The following WNK1 variants were observed in gnomAD, a reference collection of about 807,000 sequenced individuals.
WNK1 encodes the protein serine/threonine-protein kinase WNK1.
In WNK1, 38 loss-of-function variants were observed where a neutral mutation model predicts 222.8. That is an observed-to-expected ratio of 0.17 (90% CI 0.13 to 0.22). The LOEUF (loss-of-function observed/expected upper bound fraction) is 0.22. Among genes scored for constraint, WNK1 ranks in the 10% least tolerant of loss-of-function variants. WNK1 has a pLI of 1.00. For missense variants in WNK1, 2,348 were observed against 2,918.4 expected (o/e 0.80, Z 4.50); for synonymous variants, 1,090 against 1,092.9 (o/e 1.00, Z 0.05).
chr12:821,589 CT>C (rs1565477947), intron 2 of WNK1, among the ~76,000 whole-genome samples: 3 of 152,252 alleles, frequency 2.0e-5, no homozygotes, highest in Non-Finnish European at 4.4e-5. Context: ...CTTCTGTTTT[CT>C]TACTCATCTT....
chr12:807,198 C>T (rs1946441501), intron 1 of WNK1, among the ~76,000 whole-genome samples: 1 of 151,778 alleles, frequency 6.6e-6, no homozygotes, highest in South Asian at 2.1e-4. Context: ...GTGGTTAATG[C>T]CTGTAATCCC....
At chr12:824,168 A>T (rs943651829) in intron 2 of WNK1, among the ~76,000 whole-genome samples, 2 of 151,096 alleles carry the variant, frequency 1.3e-5, no homozygotes, top group Non-Finnish European at 2.9e-5. Flanking sequence ...CAGCCTCCCA[A>T]AGTGCTGGGA....
chr12:904,377 G>A, intron 26 of WNK1: 2 of 1,184,508 alleles, frequency 1.7e-6, no homozygotes, highest in South Asian at 1.3e-5. Flanking sequence ...GCGTTTGTGT[G>A]CTGTTTGGAG....
intron 4 of WNK1, among the ~76,000 whole-genome samples, chr12:852,584 C>G (rs1176882746): frequency 1.3e-5 from 2 of 152,076 alleles, no homozygotes; most frequent in East Asian, 1.9e-4. Context: ...TAGTTTTGTT[C>G]TGTGTAAGAT....
At chr12:813,386 A>G (rs1002838012) in intron 1 of WNK1, among the ~76,000 whole-genome samples, 4 of 150,792 alleles carry the variant, frequency 2.7e-5, no homozygotes, top group African/African-American at 9.7e-5. Context: ...GCAATTGATG[A>G]CTTATGTTGG....
At chr12:894,464 T>C (rs770855372) in intron 22 of WNK1, 98 bp from the exon 23 acceptor site, 15 of 1,016,276 alleles carry the variant, frequency 1.5e-5, no homozygotes, top group Middle Eastern at 2.1e-4. Context: ...ACAGCTTTCC[T>C]CATGTGTAGT....
chr12:753,483 G>C lies in WNK1; in HGVS notation c.-83G>C. The C allele has an allele frequency of 6.3e-7, 1 of 1,587,986 alleles. No individual in the cohort carries two copies. The highest frequency in any genetic ancestry group is 8.6e-7 in the Non-Finnish European group (1 of 1,167,636). ...ACCCGCCCGGCCGCGGTTCCCTGCA[G>C]ACCTCTGCGCGGGCGGCTCGGCCCT... On this transcript the variant is annotated 5_prime_UTR_variant, in exon 1 of 28. Transcript: ENST00000315939. This position sits in a 1 kb window ranked among gnomAD's most constrained non-coding sequence, Gnocchi z 5.2.
At chr12:853,693 C>T (rs905379454) in intron 4 of WNK1, among the ~76,000 whole-genome samples, 2 of 152,212 alleles carry the variant, frequency 1.3e-5, no homozygotes, top group Admixed American at 6.5e-5. Flanking sequence ...TAAATTAATA[C>T]ATAGTTTTAT....
chr12:767,301 G>A (rs1464558010), intron 1 of WNK1, among the ~76,000 whole-genome samples: 1 of 133,792 alleles, frequency 7.5e-6, no homozygotes, highest in Non-Finnish European at 1.5e-5. Context: ...CGCTCACGCT[G>A]GAGCGCAGTG....
chr12:830,854 A>G (rs1326358778), intron 4 of WNK1, among the ~76,000 whole-genome samples: 2 of 152,186 alleles, frequency 1.3e-5, no homozygotes, highest in African/African-American at 4.8e-5. Context: ...TATTCTCTCC[A>G]TTGTTTCAAA....
chr12:755,508 A>G lies in WNK1; in HGVS notation c.759+1184A>G, dbSNP rs370565318. On this transcript the variant is annotated intron_variant, in intron 1 of 27. Coordinates refer to ENST00000315939, the MANE Select transcript of WNK1 (RefSeq NM_018979.4). Reference sequence around the variant, plus strand: ...AAACTTAAAAACTAAGAAGTTCTTTACAAACATAATCATTTCTTAACTTTT... The same window carrying G: ...AAACTTAAAAACTAAGAAGTTCTTTGCAAACATAATCATTTCTTAACTTTT... Among the ~76,000 whole-genome samples, 10 of 152,350 alleles carry G rather than the reference A, an allele frequency of 6.6e-5. No individual in the cohort carries two copies. The East Asian group carries it at 1.3e-3, about 21-fold the overall frequency.
Position 827,220 on chromosome 12 carries a change from C to A in WNK1, c.1111C>A (p.Leu371Met). Residue 371 changes from leucine to methionine, a missense_variant, in exon 3 of 28, where the codon CTG becomes ATG. Physicochemically the swap from Leu to Met is conservative, Grantham distance 15. Coordinates refer to ENST00000315939, the MANE Select transcript of WNK1 (RefSeq NM_018979.4). This position sits in a 1 kb window ranked among gnomAD's most constrained non-coding sequence, Gnocchi z 4.6. ...TGSVKIGDLG[L>M]ATLKRASFAK... ...CTCAGTCAAGATTGGAGACCTCGGT[C>A]TGGCAACCCTGAAGCGGGCTTCTTT... The A allele has an allele frequency of 6.2e-7, 1 of 1,614,198 alleles. No homozygotes were observed. Among genetic ancestry groups the A allele is most frequent in the South Asian group, 1.1e-5 (1 of 91,076 alleles).
intron 4 of WNK1, among the ~76,000 whole-genome samples, chr12:854,862 T>C (rs1406074859): frequency 6.6e-6 from 1 of 152,212 alleles, no homozygotes; most frequent in Admixed American, 6.5e-5. Context: ...TTATTTACAA[T>C]AGCTAATACA....
chr12:763,318 T>C lies in WNK1; in HGVS notation c.759+8994T>C, dbSNP rs147051699. On this transcript the variant is annotated intron_variant, in intron 1 of 27. Transcript: ENST00000315939. Reference sequence around the variant, plus strand: ...TGAATTGTTGGCTAGGCGTGGTGGCTCACGCTTGTAATCCCAACACTTTGG... The same window carrying C: ...TGAATTGTTGGCTAGGCGTGGTGGCCCACGCTTGTAATCCCAACACTTTGG... 4.5e-3 allele frequency among the ~76,000 whole-genome samples: 666 copies of C among 147,398 alleles called. 74 individuals carry two copies. The highest frequency in any genetic ancestry group is 8.3e-3 in the Non-Finnish European group (549 of 65,938).
chr12:852,937 T>A (rs943637744), intron 4 of WNK1, among the ~76,000 whole-genome samples: 3 of 152,202 alleles, frequency 2.0e-5, no homozygotes, highest in African/African-American at 7.2e-5. Context: ...TATGCTTGCT[T>A]CTTAAATGAT....
intron 1 of WNK1, among the ~76,000 whole-genome samples, chr12:761,405 T>C (rs1941000776): frequency 6.7e-6 from 1 of 148,152 alleles, no homozygotes; most frequent in Non-Finnish European, 1.5e-5. Context: ...TTCTTAAGAA[T>C]TTTAACAGTT....
intron 12 of WNK1, 136 bp downstream of exon 12, chr12:881,135 T>C: frequency 8.7e-7 from 1 of 1,156,066 alleles, no homozygotes; most frequent in African/African-American, 1.5e-5. Flanking sequence ...TGCATGACTT[T>C]TTCTTACAGC....
At position 885,161 on chromosome 12, in the gene WNK1, G is replaced by C. The variant is rs774635947; in HGVS notation, c.4357G>C (p.Val1453Leu). The change falls in exon 19 of 28, where the codon GTT becomes CTT. Residue 1453 changes from valine to leucine, a missense_variant. Around this residue, in one of 13 missense-constraint regions of WNK1, gnomAD observed 1,144 missense variants for 1,273.6 expected, o/e 0.90. Transcript: ENST00000315939. ...TACAGCACTGTATCCTTCAGTAACA[G>C]TTTCAGCAACTTCAGCCTCTGCAGG... is the stretch of plus-strand genomic sequence containing the variant. ...SSTALYPSVT[V>L]SATSASAGGS... The C allele has an allele frequency of 6.2e-7, 1 of 1,614,114 alleles. No individual in the cohort carries two copies. Among genetic ancestry groups the C allele is most frequent in the East Asian group, 2.2e-5 (1 of 44,890 alleles).
At chr12:904,840 G>A (rs1955565279) in intron 26 of WNK1, among the ~76,000 whole-genome samples, 1 of 152,186 alleles carries the variant, frequency 6.6e-6, no homozygotes, top group South Asian at 2.1e-4. Flanking sequence ...AGTGACGAAA[G>A]CATACAAAAG....
Sources: allele counts gnomAD v4.1 joint callset (sites outside exome capture counted in the v4.1 genomes callset), GRCh38; gene constraint gnomAD v4.1.1; regional missense constraint gnomAD v4.1.1; non-coding constraint Gnocchi (gnomAD v3.1); transcripts MANE v1.5; gene names NCBI Gene and HGNC (gene_info 2026-07-23, HGNC 2026-07-21).